IGFBPL1: variants seen among roughly 807,000 people sequenced by gnomAD.
IGFBPL1 encodes the protein insulin like growth factor binding protein like 1.
A neutral mutation model predicts 23.9 loss-of-function variants in IGFBPL1; 20 were observed. The observed-to-expected ratio is 0.84, with a 90% CI of 0.59 to 1.22. The LOEUF is 1.22. Ranked by LOEUF, IGFBPL1 falls within the 50% of genes most tolerant of loss-of-function variation. IGFBPL1 has a pLI of 0.00. For synonymous variants in IGFBPL1, 184 were observed against 171.8 expected (o/e 1.07, Z -0.56); for missense variants, 436 against 379.3 (o/e 1.15, Z -1.24).
chr9:38,420,387 T>C (rs1196212513), intron 1 of IGFBPL1, among the ~76,000 whole-genome samples: 2 of 152,220 alleles, frequency 1.3e-5, no homozygotes, highest in African/African-American at 2.4e-5. Flanking sequence ...TCAGGAGCTA[T>C]AGCCCAGTGC....
chr9:38,411,322 G>T (rs1821510063), intron 4 of IGFBPL1, 69 bp downstream of exon 4: 17 of 1,350,176 alleles, frequency 1.3e-5, no homozygotes, highest in Non-Finnish European at 1.5e-5. Flanking sequence ...TTTTTTACAG[G>T]TCTTATAAGC....
intron 4 of IGFBPL1, among the ~76,000 whole-genome samples, chr9:38,409,767 A>G (rs898282539): frequency 3.3e-5 from 5 of 152,156 alleles, no homozygotes; most frequent in African/African-American, 9.7e-5. Flanking sequence ...TTGAATTCCT[A>G]TTTCACAGTT....
intron 1 of IGFBPL1, among the ~76,000 whole-genome samples, chr9:38,418,013 C>T (rs923146626): frequency 3.3e-5 from 5 of 152,196 alleles, no homozygotes; most frequent in African/African-American, 1.2e-4. Flanking sequence ...TGCCAGCAGG[C>T]CTTTCTGAGG....
At chr9:38,409,373 C>T in intron 4 of IGFBPL1, among the ~76,000 whole-genome samples, 156 bp from the exon 5 acceptor site, 1 of 152,156 alleles carries the variant, frequency 6.6e-6, no homozygotes, top group East Asian at 1.9e-4. Context: ...CTGTGGAGTC[C>T]CAAGAAGTAC....
At chr9:38,409,606 T>G (rs1298248805) in intron 4 of IGFBPL1, among the ~76,000 whole-genome samples, 1 of 152,216 alleles carries the variant, frequency 6.6e-6, no homozygotes. Flanking sequence ...ATCCTTTTGA[T>G]GTATTCACAA....
chr9:38,411,265 T>A, intron 4 of IGFBPL1, 126 bp downstream of exon 4: 1 of 746,416 alleles, frequency 1.3e-6, no homozygotes, highest in African/African-American at 1.8e-5. Flanking sequence ...TCCCTACTCT[T>A]CTTTTGCTCT....
intron 4 of IGFBPL1, among the ~76,000 whole-genome samples, chr9:38,411,104 G>C (rs998812415): frequency 1.3e-5 from 2 of 151,918 alleles, no homozygotes; most frequent in African/African-American, 4.9e-5. Context: ...GAAGAATACA[G>C]AGGAAATATT....
In IGFBPL1 at chr9:38,424,185, G is replaced by A; in HGVS notation, c.240C>T (p.Arg80=). The A allele has an allele frequency of 1.7e-6, 2 of 1,163,578 alleles. No individual in the cohort carries two copies. The highest frequency in any genetic ancestry group is 8.2e-5 in the East Asian group (2 of 24,476). The allele number at this position is 1,163,578 out of a possible 1,614,324, so 72.1% of individuals were successfully genotyped here. A position where few individuals can be genotyped will look rare whatever the true frequency, so the allele number is the denominator to read the frequency against. The change falls in exon 1 of 5, where the codon CGC becomes CGT. Residue 80 remains arginine, a synonymous_variant. Transcript: ENST00000377694. ...LGAEGASCGG[R]AGGRCGPGLV... ...GGCCGGGGCCACAGCGCCCGCCGGC[G>A]CGGCCCCCGCAGCTCGCGCCCTCGG...
chr9:38,415,785 G>C (rs115068166), intron 1 of IGFBPL1, among the ~76,000 whole-genome samples: 2 of 152,100 alleles, frequency 1.3e-5, no homozygotes, highest in Non-Finnish European at 2.9e-5. Context: ...TGTTGATCCT[G>C]GGGCTGCCCT....
intron 1 of IGFBPL1, among the ~76,000 whole-genome samples, chr9:38,418,406 A>G (rs1234781382): frequency 2.0e-5 from 3 of 152,154 alleles, no homozygotes; most frequent in Admixed American, 6.5e-5. Flanking sequence ...GACCCCTTAC[A>G]AACTGTAAAA....
chr9:38,417,119 G>A (rs79552958), intron 1 of IGFBPL1, among the ~76,000 whole-genome samples: 7,092 of 152,284 alleles, frequency 0.047, 236 homozygotes, highest in East Asian at 0.12. Flanking sequence ...TGTGTGCTAA[G>A]CACTCCTCTG....
At chr9:38,422,673 G>T (rs1340897860) in intron 1 of IGFBPL1, among the ~76,000 whole-genome samples, 1 of 152,196 alleles carries the variant, frequency 6.6e-6, no homozygotes, top group East Asian at 1.9e-4. Context: ...AGCCAGCTCT[G>T]TCCTCCATGG....
intron 1 of IGFBPL1, among the ~76,000 whole-genome samples, chr9:38,423,261 A>G (rs940742797): frequency 2.6e-5 from 4 of 152,166 alleles, no homozygotes; most frequent in Non-Finnish European, 4.4e-5. Flanking sequence ...AGTCCCTAGC[A>G]TTTCATAATA....
intron 1 of IGFBPL1, among the ~76,000 whole-genome samples, chr9:38,421,895 G>C (rs916254302): frequency 6.6e-6 from 1 of 152,180 alleles, no homozygotes; most frequent in Non-Finnish European, 1.5e-5. Flanking sequence ...ACCCCGGGGA[G>C]GCCTGACGCC....
rs372612635 is a variant in IGFBPL1, at chr9:38,423,995, G to C, written c.430C>G (p.His144Asp). Reference protein sequence around the residue: ...HTPRAHPGHLHKARDGPCEFA... With the variant: ...HTPRAHPGHLDKARDGPCEFA... The stretch of plus-strand genomic sequence containing the variant: ...TCGCAAGGGCCGTCGCGCGCCTTGT[G>C]CAGGTGACCGGGGTGCGCGCGGGGC... Residue 144 changes from histidine (H) to aspartate (D), a missense_variant, in exon 1 of 5, where the codon CAC becomes GAC. Transcript: ENST00000377694. 1.2e-3 allele frequency: 1,700 copies of C among 1,412,036 alleles called. 3 individuals carry two copies. Among genetic ancestry groups the C allele is most frequent in the Non-Finnish European group, 1.5e-3 (1,606 of 1,093,168 alleles). The allele number at this position is 1,412,036 out of a possible 1,614,324, so 87.5% of individuals were successfully genotyped here.
chr9:38,420,709 C>T (rs527910544), intron 1 of IGFBPL1, among the ~76,000 whole-genome samples: 51 of 152,206 alleles, frequency 3.4e-4, no homozygotes, highest in African/African-American at 1.1e-3. Flanking sequence ...TGGTGGTGGG[C>T]GCCTGTAGTC....
chr9:38,424,170 A>G lies in IGFBPL1; in HGVS notation c.255T>C (p.Cys85=), dbSNP rs1821725724. ...GGCTCGCGCATACCAGGCCGGGGCC[A>G]CAGCGCCCGCCGGCGCGGCCCCCGC... is the stretch of plus-strand genomic sequence containing the variant. ...ASCGGRAGGR[C]GPGLVCASQA... The change falls in exon 1 of 5, where the codon TGT becomes TGC. Residue 85 remains cysteine (C), a synonymous_variant. Coordinates refer to ENST00000377694, the MANE Select transcript of IGFBPL1 (RefSeq NM_001007563.3). 1 of 1,176,496 alleles carries G rather than the reference A, an allele frequency of 8.5e-7. No individual in the cohort carries two copies. The highest frequency in any genetic ancestry group is 3.5e-4 in the Middle Eastern group (1 of 2,894). The allele number at this position is 1,176,496 out of a possible 1,614,324, so 72.9% of individuals were successfully genotyped here.
intron 1 of IGFBPL1, among the ~76,000 whole-genome samples, chr9:38,419,357 T>C (rs1261054992): frequency 6.6e-6 from 1 of 152,180 alleles, no homozygotes; most frequent in African/African-American, 2.4e-5. Flanking sequence ...AGCCTCTGCC[T>C]CAGATCTCCT....
chr9:38,417,931 C>G (rs918168190), intron 1 of IGFBPL1, among the ~76,000 whole-genome samples: 1 of 152,172 alleles, frequency 6.6e-6, no homozygotes, highest in Non-Finnish European at 1.5e-5. Context: ...CAGTGAGCCA[C>G]TCTCATCAAT....
Sources: allele counts gnomAD v4.1 joint callset (sites outside exome capture counted in the v4.1 genomes callset), GRCh38; gene constraint gnomAD v4.1.1; transcripts MANE v1.5; gene names NCBI Gene and HGNC (gene_info 2026-07-23, HGNC 2026-07-21).